GABBR2: variants seen among roughly 807,000 people sequenced by gnomAD.
The protein encoded by GABBR2 is gamma-aminobutyric acid type B receptor subunit 2.
In GABBR2, 23 loss-of-function variants were observed where a neutral mutation model predicts 105.6. The ratio of observed to expected loss-of-function variants is 0.22; its 90% confidence interval spans 0.16 to 0.31. GABBR2 has a LOEUF of 0.31. Among genes scored for constraint, GABBR2 ranks in the 10% least tolerant of loss-of-function variants. The pLI is 1.00. For missense variants in GABBR2, 734 were observed against 1,245.5 expected, an observed-to-expected ratio of 0.59 and a Z score of 6.18; for synonymous variants, 478 against 499.7, an observed-to-expected ratio of 0.96 and a Z score of 0.58.
intron 1 of GABBR2, among the ~76,000 whole-genome samples, chr9:98,685,610 G>T (rs1005062130): frequency 6.6e-6 from 1 of 152,142 alleles, no homozygotes; most frequent in African/African-American, 2.4e-5. Flanking sequence ...GCTCCAAATG[G>T]GCAGGTCTTC....
intron 3 of GABBR2, chr9:98,516,089 G>C (rs1232571570): frequency 6.6e-6 from 1 of 152,398 alleles, no homozygotes; most frequent in African/African-American, 2.4e-5. Context: ...TTGAGACTGT[G>C]TTGGGGCCTC....
intron 1 of GABBR2, among the ~76,000 whole-genome samples, chr9:98,660,942 G>A (rs113047573): frequency 5.3e-5 from 8 of 152,330 alleles, no homozygotes; most frequent in African/African-American, 1.2e-4. Flanking sequence ...GTCTCGCTCT[G>A]TTGCCTAGGC....
chr9:98,677,191 A>T (rs1830488030), intron 1 of GABBR2, among the ~76,000 whole-genome samples: 1 of 152,262 alleles, frequency 6.6e-6, no homozygotes, highest in African/African-American at 2.4e-5. Flanking sequence ...CATCTGCAGC[A>T]GTTATTTTCA....
chr9:98,313,694 T>C (rs1249808849), intron 13 of GABBR2, among the ~76,000 whole-genome samples: 1 of 152,188 alleles, frequency 6.6e-6, no homozygotes, highest in African/African-American at 2.4e-5. Flanking sequence ...AGTTGTGCTG[T>C]TGAGGCCCAG....
chr9:98,356,071 C>A (rs1831478394), intron 13 of GABBR2, among the ~76,000 whole-genome samples: 1 of 152,058 alleles, frequency 6.6e-6, no homozygotes, highest in African/African-American at 2.4e-5. Flanking sequence ...GGTCACAGGC[C>A]TAAATGTTAA....
At chr9:98,599,321 G>T (rs1033319697) in intron 1 of GABBR2, among the ~76,000 whole-genome samples, 3 of 152,160 alleles carry the variant, frequency 2.0e-5, no homozygotes. Flanking sequence ...GGAATGGAAG[G>T]TTCTGTAGAC....
intron 12 of GABBR2, among the ~76,000 whole-genome samples, chr9:98,364,301 G>A (rs1280707916): frequency 2.0e-5 from 3 of 152,210 alleles, no homozygotes; most frequent in Non-Finnish European, 4.4e-5. Flanking sequence ...AGCAGTTAGG[G>A]GATGGGTTGG....
intron 1 of GABBR2, among the ~76,000 whole-genome samples, chr9:98,653,255 T>C (rs1830134154): frequency 6.6e-6 from 1 of 152,212 alleles, no homozygotes. Flanking sequence ...CACCTCGGCC[T>C]CCCAAAGTGC....
At chr9:98,612,130 G>A (rs1456975430) in intron 1 of GABBR2, among the ~76,000 whole-genome samples, 1 of 152,230 alleles carries the variant, frequency 6.6e-6, no homozygotes, top group African/African-American at 2.4e-5. Context: ...TGGCTGCAGA[G>A]CCTGTAACTG....
At chr9:98,455,207 G>T (rs1826304935) in intron 6 of GABBR2, among the ~76,000 whole-genome samples, 1 of 152,170 alleles carries the variant, frequency 6.6e-6, no homozygotes, top group Non-Finnish European at 1.5e-5. Flanking sequence ...TTTCATTGGT[G>T]ATATTAACAT....
At chr9:98,452,234 C>T (rs1826245346) in intron 7 of GABBR2, among the ~76,000 whole-genome samples, 1 of 152,216 alleles carries the variant, frequency 6.6e-6, no homozygotes, top group Non-Finnish European at 1.5e-5. Flanking sequence ...CCAGCCAGCT[C>T]AGCTTATCTA....
At chr9:98,421,828 G>C (rs975070822) in intron 7 of GABBR2, among the ~76,000 whole-genome samples, 2 of 152,188 alleles carry the variant, frequency 1.3e-5, no homozygotes, top group Non-Finnish European at 2.9e-5. Context: ...CCATAAACAA[G>C]AGTGGATACG....
intron 7 of GABBR2, among the ~76,000 whole-genome samples, chr9:98,420,388 C>T (rs1832762084): frequency 6.6e-6 from 1 of 152,214 alleles, no homozygotes; most frequent in Admixed American, 6.5e-5. Context: ...CTCATCCCTG[C>T]TGCCAGGCTG....
chr9:98,630,445 A>T (rs1456168616), intron 1 of GABBR2, among the ~76,000 whole-genome samples: 1 of 152,168 alleles, frequency 6.6e-6, no homozygotes, highest in Non-Finnish European at 1.5e-5. Context: ...GTGGCTGTGG[A>T]TACCTGGCAT....
At position 98,688,193 on chromosome 9, in the gene GABBR2, T is replaced by C. The variant is rs1017344793; in HGVS notation, c.321+20224A>G. 7.2e-5 allele frequency among the ~76,000 whole-genome samples: 11 copies of C among 152,096 alleles called. 1 individual carries two copies. Among genetic ancestry groups the C allele is most frequent in the African/African-American group, 2.7e-4 (11 of 41,412 alleles). ...GCAGTTGGTTTTTTGAAACCAAGTGTCCAATGATGCAGTGAATCCTGAAAA... is the reference window on the plus strand; with the variant it reads ...GCAGTTGGTTTTTTGAAACCAAGTGCCCAATGATGCAGTGAATCCTGAAAA... On this transcript the variant is annotated intron_variant, in intron 1 of 18. Coordinates refer to ENST00000259455, the MANE Select transcript of GABBR2 (RefSeq NM_005458.8).
At chr9:98,620,696 T>G (rs1048144917) in intron 1 of GABBR2, among the ~76,000 whole-genome samples, 13 of 152,196 alleles carry the variant, frequency 8.5e-5, no homozygotes, top group African/African-American at 3.1e-4. Flanking sequence ...AACCTTGAGC[T>G]TCATGCTTCC....
chr9:98,343,979 C>T (rs1245784487), intron 13 of GABBR2, among the ~76,000 whole-genome samples: 1 of 152,212 alleles, frequency 6.6e-6, no homozygotes, highest in Non-Finnish European at 1.5e-5. Context: ...TGACGCAGTT[C>T]ATCAAAACTT....
intron 1 of GABBR2, among the ~76,000 whole-genome samples, chr9:98,646,264 G>A (rs1398007280): frequency 2.0e-5 from 3 of 152,154 alleles, no homozygotes; most frequent in African/African-American, 7.2e-5. Flanking sequence ...GTGGAATTTT[G>A]GTATGTGTTA....
intron 2 of GABBR2, among the ~76,000 whole-genome samples, chr9:98,563,609 T>C (rs16917159): frequency 0.079 from 11,982 of 152,228 alleles, 649 homozygotes; most frequent in East Asian, 0.15. Flanking sequence ...TCCCTCATAC[T>C]TGCAAAGCCA....
Sources: allele counts gnomAD v4.1 joint callset (sites outside exome capture counted in the v4.1 genomes callset), GRCh38; gene constraint gnomAD v4.1.1; transcripts MANE v1.5; gene names NCBI Gene and HGNC (gene_info 2026-07-23, HGNC 2026-07-21).